DAO: variants seen among roughly 807,000 people sequenced by gnomAD.
DAO encodes D-amino acid oxidase.
DAO carries 51 observed loss-of-function variants against 50.1 expected under a neutral mutation model. The ratio of observed to expected loss-of-function variants is 1.02; its 90% CI spans 0.81 to 1.29. DAO has a LOEUF of 1.29. DAO is among the 50% of genes most tolerant of loss of function. The pLI is 0.00. For missense variants in DAO, 436 were observed against 439.4 expected, an observed-to-expected ratio of 0.99 and a Z score of 0.07; for synonymous variants, 160 against 166.2, an observed-to-expected ratio of 0.96 and a Z score of 0.29.
chr12:108,890,061 C>A (rs2039474556), intron 4 of DAO, 147 bp from the exon 5 acceptor site: 1 of 731,196 alleles, frequency 1.4e-6, no homozygotes. Context: ...GAGCTCAAAA[C>A]CACGTCCCCC....
At position 108,899,391 on chromosome 12, in the gene DAO, T is replaced by G. The variant is rs1184697095; in HGVS notation, c.828T>G (p.Ile276Met). The change falls in exon 10 of 11, where the codon ATT becomes ATG. Residue 276 changes from isoleucine to methionine, a missense_variant. By Grantham distance (10) the Ile-to-Met change is conservative. Coordinates refer to ENST00000228476, the MANE Select transcript of DAO (RefSeq NM_001917.5). The part of the protein sequence containing the change: ...LEPTLKNARI[I>M]GERTGFRPVR... Reference sequence around the variant, plus strand: ...TTTCTTTCCAGAATGCAAGAATTATTGGTGAACGAACTGGCTTCCGGCCAG... The same window carrying G: ...TTTCTTTCCAGAATGCAAGAATTATGGGTGAACGAACTGGCTTCCGGCCAG... 2 of 1,613,596 alleles carry G rather than the reference T, an allele frequency of 1.2e-6. No homozygotes were observed. The highest frequency in any genetic ancestry group is 1.7e-6 in the Non-Finnish European group (2 of 1,179,810).
At chr12:108,896,765 T>C (rs2039565238) in intron 7 of DAO, among the ~76,000 whole-genome samples, 1 of 152,170 alleles carries the variant, frequency 6.6e-6, no homozygotes, top group Admixed American at 6.5e-5. Context: ...TACTGGTGCT[T>C]TTCTTCGGAC....
intron 6 of DAO, 33 bp downstream of exon 6, chr12:108,893,069 A>G: frequency 6.3e-7 from 1 of 1,599,182 alleles, no homozygotes; most frequent in South Asian, 1.1e-5. Flanking sequence ...TGGATGGGGC[A>G]GGGAGAAGAG....
In DAO at chr12:108,889,796, T is replaced by G. The variant is rs3741776; in HGVS notation, c.386+251T>G. On this transcript the variant is annotated intron_variant, in intron 4 of 10. Transcript: ENST00000228476. ...CCATATCACCATATTGTTTTGTAGA[T>G]GAAGATACTGAGTTTCAGAGAGGCT... 7.8e-3 allele frequency among the ~76,000 whole-genome samples: 1,182 copies of G among 152,224 alleles called. 18 individuals carry two copies. Among genetic ancestry groups the G allele is most frequent in the East Asian group, 0.059 (306 of 5,170 alleles).
At position 108,893,849 on chromosome 12, in the gene DAO, G is replaced by C. The variant is rs111570791; in HGVS notation, c.508-414G>C. ...AATGTCTTGGCAGAGTAGAAGGCAA[G>C]AGAATAAAGTTAAAAGGAGTCAGAA... On this transcript the variant is annotated intron_variant, in intron 6 of 10. Transcript: ENST00000228476. Among the ~76,000 whole-genome samples, 68 of 152,316 alleles carry C rather than the reference G, an allele frequency of 4.5e-4. 1 individual carries two copies. Among genetic ancestry groups the C allele is most frequent in the African/African-American group, 1.6e-3 (66 of 41,568 alleles).
chr12:108,880,709 T>C (rs2039367888), intron 1 of DAO, among the ~76,000 whole-genome samples: 1 of 147,158 alleles, frequency 6.8e-6, no homozygotes, highest in African/African-American at 2.5e-5. Context: ...ATCTCTGGCT[T>C]ACTGATTTTT....
chr12:108,884,648 G>A (rs1050813275), intron 1 of DAO, among the ~76,000 whole-genome samples: 2 of 152,116 alleles, frequency 1.3e-5, no homozygotes, highest in African/African-American at 4.8e-5. Context: ...AGAGCCCATC[G>A]CACTAACCAC....
intron 4 of DAO, 130 bp from the exon 5 acceptor site, chr12:108,890,078 C>T: frequency 1.2e-6 from 1 of 807,452 alleles, no homozygotes; most frequent in Non-Finnish European, 2.2e-6. Flanking sequence ...CCCCCTTGAA[C>T]TTCACGTAGT....
intron 1 of DAO, among the ~76,000 whole-genome samples, chr12:108,884,508 CTTGTTAAAT>C (rs2039413107): frequency 6.6e-6 from 1 of 152,206 alleles, no homozygotes; most frequent in Admixed American, 6.5e-5. Context: ...CATCAGGCAG[CTTGTTAAAT>C]TTGTTACGTT....
intron 3 of DAO, among the ~76,000 whole-genome samples, chr12:108,888,340 A>ATTTT (rs35167645): frequency 2.3e-4 from 34 of 146,066 alleles, no homozygotes; most frequent in African/African-American, 7.8e-4. Context: ...GACCAAGAGT[A>ATTTT]TTTTTTTTTT....
In DAO at chr12:108,893,034, G is replaced by C; in HGVS notation, c.505G>C (p.Glu169Gln). Residue 169 changes from glutamate to glutamine, a missense_variant and splice_region_variant, in exon 6 of 11, where the codon GAG (glutamate) becomes CAG (glutamine). Coordinates refer to ENST00000228476, the MANE Select transcript of DAO (RefSeq NM_001917.5). ...FFQRKVESFE[E>Q]VAREGADVIV... ...CCAGCGGAAAGTGGAGTCTTTTGAG[G>C]AGGTGAGTTGCAGGGCTGATGCGGT... is the stretch of plus-strand genomic sequence containing the variant. 1 of 1,613,766 alleles carries C rather than the reference G, an allele frequency of 6.2e-7. No homozygotes were observed. Among genetic ancestry groups the C allele is most frequent in the South Asian group, 1.1e-5 (1 of 91,062 alleles).
At chr12:108,893,839 T>C (rs2039517498) in intron 6 of DAO, among the ~76,000 whole-genome samples, 1 of 151,948 alleles carries the variant, frequency 6.6e-6, no homozygotes, top group Non-Finnish European at 1.5e-5. Context: ...CTTGGCAGAG[T>C]AGAAGGCAAG....
At chr12:108,890,300 G>T in intron 5 of DAO, 27 bp downstream of exon 5, 5 of 1,588,520 alleles carry the variant, frequency 3.1e-6, no homozygotes, top group Non-Finnish European at 4.3e-6. Flanking sequence ...CACTTTGAGG[G>T]AGGTACCTCC....
At chr12:108,898,581 G>C in intron 8 of DAO, 98 bp from the exon 9 acceptor site, 1 of 829,414 alleles carries the variant, frequency 1.2e-6, no homozygotes, top group South Asian at 1.3e-5. Flanking sequence ...AGTGATGGTG[G>C]TGGTGTTAGC....
In DAO at chr12:108,880,115, C is replaced by G. The variant is rs1316830322; in HGVS notation, c.-119C>G. On this transcript the variant is annotated 5_prime_UTR_variant, in exon 1 of 11. Transcript: ENST00000228476. ...CTGCACTCCAGTCCGGGCTGGCGGA[C>G]AGAGGGCTGGAAACAAGACGCTCCA... The G allele has an allele frequency of 2.2e-6, 1 of 456,566 alleles. No individual in the cohort carries two copies. The highest frequency in any genetic ancestry group is 6.9e-5 in the East Asian group (1 of 14,396). 28.3% of individuals were successfully genotyped at this position (456,566 alleles called of 1,614,324 possible).
At chr12:108,896,150 G>A (rs138180520) in intron 7 of DAO, among the ~76,000 whole-genome samples, 1,822 of 151,980 alleles carry the variant, frequency 0.012, 37 homozygotes, top group African/African-American at 0.041. Flanking sequence ...TGGGCCAGGC[G>A]TGGTGACTCA....
rs1388007339 is a variant in DAO at position 108,900,197 on chromosome 12, A to G, written c.913-207A>G. On this transcript the variant is annotated intron_variant, in intron 10 of 10. Coordinates refer to ENST00000228476, the MANE Select transcript of DAO (RefSeq NM_001917.5). ...TTTGACTCCAAGGCTATTTCCAGAT[A>G]TCCATTTTGTGGCTGCCCCATCATC... is the stretch of plus-strand genomic sequence containing the variant. 17 of 560,948 alleles carry G rather than the reference A, an allele frequency of 3.0e-5. No individual in the cohort carries two copies. The South Asian group carries it at 3.3e-4, about 11-fold the overall frequency. The allele number at this position is 560,948 out of a possible 1,614,324, so 34.7% of individuals were successfully genotyped here.
intron 2 of DAO, among the ~76,000 whole-genome samples, chr12:108,887,062 C>T (rs6539458): frequency 0.041 from 6,279 of 152,092 alleles, 171 homozygotes; most frequent in Middle Eastern, 0.13. Context: ...GTTGTAGGAG[C>T]GGCAAGTCGA....
chr12:108,880,730 A>T (rs924230808), intron 1 of DAO, among the ~76,000 whole-genome samples: 2 of 152,054 alleles, frequency 1.3e-5, no homozygotes, highest in Non-Finnish European at 2.9e-5. Flanking sequence ...TTTTTTAAAA[A>T]GAAGTCTTTC....
Sources: gnomAD v4.1 joint callset for allele counts (sites outside exome capture counted in the v4.1 genomes callset) on GRCh38, gnomAD v4.1.1 for gene constraint, MANE v1.5 for transcripts, NCBI Gene and HGNC (gene_info 2026-07-23, HGNC 2026-07-21) for gene names.